Variants in CSMD2 observed in about 807,000 individuals in gnomAD.
CSMD2 encodes CUB and Sushi multiple domains 2.
Under a neutral mutation model 398.5 loss-of-function variants are expected in CSMD2, and 130 were observed. The ratio of observed to expected loss-of-function variants is 0.33; its 90% CI spans 0.28 to 0.38. The LOEUF (loss-of-function observed/expected upper bound fraction) is 0.38. Among genes scored for constraint, CSMD2 ranks in the 10% least tolerant of loss-of-function variants. The pLI is 1.00. For missense variants in CSMD2, 3,829 were observed against 4,764.9 expected (o/e 0.80, Z 5.78); for synonymous variants, 1,828 against 1,908.5 (o/e 0.96, Z 1.10).
chr1:33,798,143 T>C (rs1310078375), intron 10 of CSMD2, among the ~76,000 whole-genome samples: 1 of 152,216 alleles, frequency 6.6e-6, no homozygotes, highest in Non-Finnish European at 1.5e-5. Flanking sequence ...GCTCCTATAA[T>C]GACTCATTAA....
chr1:33,809,210 T>C (rs1051711008), intron 10 of CSMD2, among the ~76,000 whole-genome samples: 5 of 151,870 alleles, frequency 3.3e-5, no homozygotes, highest in African/African-American at 7.2e-5. Flanking sequence ...GACACAAAAA[T>C]TGGCAAAGGC....
At position 33,624,537 on chromosome 1, in the gene CSMD2, G is replaced by A. The variant is rs35704335; in HGVS notation, c.5607C>T (p.Pro1869=). The A allele has an allele frequency of 8.1e-4, 1,311 of 1,613,814 alleles. 12 individuals carry two copies. The African/African-American group carries it at 0.016, about 20-fold the overall frequency. The change falls in exon 35 of 71, where the codon CCC becomes CCT. Residue 1869 remains proline, a synonymous_variant. Transcript: ENST00000373381. This position sits in a 1 kb window ranked among gnomAD's most constrained non-coding sequence, Gnocchi z 4.7. ...CCCCTACCTGGATGCCAGCGCCTTCGGGGACCACGATCTTCCACACACAGT... is the reference window on the plus strand; with the variant it reads ...CCCCTACCTGGATGCCAGCGCCTTCAGGGACCACGATCTTCCACACACAGT... The part of the protein sequence containing the change: ...SLNCVWKIVV[P]EGAGIQIQVV...
Position 33,519,026 on chromosome 1 carries a change from G to T in CSMD2, c.*53+439C>A, listed in dbSNP as rs1654007433. On this transcript the variant is annotated intron_variant, in intron 70 of 70. Coordinates refer to ENST00000373381, the MANE Select transcript of CSMD2 (RefSeq NM_001281956.2). This position sits in a 1 kb window ranked among gnomAD's most constrained non-coding sequence, Gnocchi z 5.6. ...CTGTATAGCTCTACAGATCTCCAGGGCTTGACTTCGACCCAGAGGATGTAT... is the reference window on the plus strand; with the variant it reads ...CTGTATAGCTCTACAGATCTCCAGGTCTTGACTTCGACCCAGAGGATGTAT... Among the ~76,000 whole-genome samples, 1 of 151,976 alleles carries T rather than the reference G, an allele frequency of 6.6e-6. No homozygotes were observed. The highest frequency in any genetic ancestry group is 1.9e-4 in the East Asian group (1 of 5,188).
intron 2 of CSMD2, among the ~76,000 whole-genome samples, chr1:34,075,121 G>C (rs1275822279): frequency 1.3e-5 from 2 of 152,248 alleles, no homozygotes; most frequent in East Asian, 1.9e-4. Context: ...ATTACCATGA[G>C]AGCATGAACA....
rs112226007 is a variant in CSMD2 at position 33,942,844 on chromosome 1, T to C, written c.518-6890A>G. Among the ~76,000 whole-genome samples the C allele has an allele frequency of 2.0e-3, 302 of 152,326 alleles. 3 individuals are homozygous for C. The highest frequency in any genetic ancestry group is 6.5e-3 in the African/African-American group (272 of 41,572). On this transcript the variant is annotated intron_variant, in intron 3 of 70. Coordinates refer to ENST00000373381, the MANE Select transcript of CSMD2 (RefSeq NM_001281956.2). Reference sequence around the variant, plus strand: ...GGTTTTTACTTCTGACAGCAGCAAATGTGGCCTCTCTCCTAGAGTTTCCTG... The same window carrying C: ...GGTTTTTACTTCTGACAGCAGCAAACGTGGCCTCTCTCCTAGAGTTTCCTG...
chr1:33,890,877 C>T (rs2125205896), intron 5 of CSMD2, among the ~76,000 whole-genome samples: 1 of 152,232 alleles, frequency 6.6e-6, no homozygotes, highest in South Asian at 2.1e-4. Flanking sequence ...CTTCCTTACA[C>T]CTTATACAAA....
chr1:33,849,269 C>A (rs576499725), intron 5 of CSMD2, among the ~76,000 whole-genome samples: 26 of 152,322 alleles, frequency 1.7e-4, no homozygotes, highest in Admixed American at 1.3e-3. Context: ...GCAGAATCAT[C>A]ACATCAGACT....
intron 7 of CSMD2, among the ~76,000 whole-genome samples, chr1:33,823,271 G>T (rs1054446489): frequency 6.6e-6 from 1 of 152,238 alleles, no homozygotes. Flanking sequence ...TTCCAGGGAG[G>T]ACTGAGCAGG....
intron 49 of CSMD2, among the ~76,000 whole-genome samples, chr1:33,574,557 G>T (rs1430405703): frequency 6.6e-6 from 1 of 152,168 alleles, no homozygotes; most frequent in Non-Finnish European, 1.5e-5. Context: ...GAATAAGCTT[G>T]GGCAGAGTCC....
In CSMD2 at chr1:33,601,028, G is replaced by A; in HGVS notation, c.6711-18C>T. The A allele has an allele frequency of 6.2e-7, 1 of 1,613,992 alleles. No homozygotes were observed. The highest frequency in any genetic ancestry group is 1.1e-5 in the South Asian group (1 of 91,048). ...GCCCATCCCTGTACACAGGAAACAAGGTCCTGGCATGTCACTAGTCACCAT... is the reference window on the plus strand; with the variant it reads ...GCCCATCCCTGTACACAGGAAACAAAGTCCTGGCATGTCACTAGTCACCAT... On this transcript the variant is annotated intron_variant, in intron 43 of 70. Coordinates refer to ENST00000373381, the MANE Select transcript of CSMD2 (RefSeq NM_001281956.2).
At position 33,918,103 on chromosome 1, in the gene CSMD2, G is replaced by A. The variant is rs1490679644; in HGVS notation, c.911C>T (p.Ser304Phe). 3 of 1,613,624 alleles carry A rather than the reference G, an allele frequency of 1.9e-6. No individual in the cohort carries two copies. Among genetic ancestry groups the A allele is most frequent in the Admixed American group, 1.7e-5 (1 of 60,016 alleles). ...DFLEVTGTEG[S>F]SLWFTGASLP... Reference sequence around the variant, plus strand: ...GTGATGTTGTGCTTACCAGAGGGAGGAGCCTTCTGTCCCAGTGACTTCCAG... The same window carrying A: ...GTGATGTTGTGCTTACCAGAGGGAGAAGCCTTCTGTCCCAGTGACTTCCAG... Residue 304 changes from serine to phenylalanine, a missense_variant, in exon 5 of 71, where the codon TCC becomes TTC. Around this residue, in one of 5 missense-constraint regions of CSMD2, gnomAD observed 2,001 missense variants for 2,567.1 expected, o/e 0.78. Coordinates refer to ENST00000373381, the MANE Select transcript of CSMD2 (RefSeq NM_001281956.2).
chr1:33,565,322 G>A (rs1306208460), intron 53 of CSMD2, among the ~76,000 whole-genome samples: 1 of 152,078 alleles, frequency 6.6e-6, no homozygotes, highest in Non-Finnish European at 1.5e-5. Context: ...AAAAGAAAGT[G>A]ACATCCTCTG....
intron 44 of CSMD2, among the ~76,000 whole-genome samples, chr1:33,597,099 G>A (rs1639892673): frequency 6.6e-6 from 1 of 151,286 alleles, no homozygotes; most frequent in African/African-American, 2.4e-5. Context: ...CAAACTTCAT[G>A]TTCTAACTTT....
rs558015035 is a variant in CSMD2, at chr1:34,079,236, A to T, written c.404+9741T>A. 4.6e-4 allele frequency among the ~76,000 whole-genome samples: 70 copies of T among 152,280 alleles called. 2 individuals are homozygous for T. The South Asian group carries it at 0.014, about 31-fold the overall frequency. On this transcript the variant is annotated intron_variant, in intron 2 of 70. Transcript: ENST00000373381. ...CTAGCCACTCTGACCATTTCTATTC[A>T]ATATTATACTGGAGGTTCTAGACAG...
chr1:33,935,854 G>T lies in CSMD2; in HGVS notation c.618C>A (p.Asn206Lys), dbSNP rs2125327755. The change falls in exon 4 of 71, where the codon AAC becomes AAA. Residue 206 changes from asparagine (N) to lysine (K), a missense_variant. Coordinates refer to ENST00000373381, the MANE Select transcript of CSMD2 (RefSeq NM_001281956.2). ...CGTGGCCCTCCAGGAAGAAGCCAAG[G>T]TTGCAGCTGTAGCGGACCTTGTCAC... ...NLGDKVRYSC[N>K]LGFFLEGHAV... The T allele has an allele frequency of 6.2e-7, 1 of 1,614,232 alleles. No individual in the cohort carries two copies. Among genetic ancestry groups the T allele is most frequent in the Non-Finnish European group, 8.5e-7 (1 of 1,180,022 alleles).
At chr1:33,599,957 C>A in intron 44 of CSMD2, 1 of 594,124 alleles carries the variant, frequency 1.7e-6, no homozygotes, top group Non-Finnish European at 3.0e-6. Context: ...GCAGATACTG[C>A]GGAGGCTGGG....
intron 15 of CSMD2, among the ~76,000 whole-genome samples, chr1:33,730,972 C>G (rs1348945612): frequency 6.6e-6 from 1 of 152,128 alleles, no homozygotes; most frequent in Non-Finnish European, 1.5e-5. Context: ...CTAAAAGGAA[C>G]CAGGGTTTCT....
intron 1 of CSMD2, among the ~76,000 whole-genome samples, chr1:34,127,319 T>C (rs750675050): frequency 2.0e-5 from 3 of 152,222 alleles, no homozygotes; most frequent in Non-Finnish European, 4.4e-5. Flanking sequence ...AAAAAGCTTC[T>C]ACCTTCTATT....
rs1570584502 is a variant in CSMD2, at chr1:33,514,360, TGTTTTA to T, written c.*2258_*2263del. ...CTGTACAAAAGATTTTTTTTGTCTTTGTTTTACTTTTTTTTTTTTCCTCATGGGATG... is the reference window on the plus strand; with the variant it reads ...CTGTACAAAAGATTTTTTTTGTCTTTCTTTTTTTTTTTTCCTCATGGGATG... On this transcript the variant is annotated 3_prime_UTR_variant, in exon 71 of 71. Coordinates refer to ENST00000373381, the MANE Select transcript of CSMD2 (RefSeq NM_001281956.2). The T allele has an allele frequency of 6.6e-6, 1 of 152,306 alleles. No individual in the cohort carries two copies. Among genetic ancestry groups the T allele is most frequent in the Non-Finnish European group, 1.5e-5 (1 of 67,968 alleles). 9.4% of individuals were successfully genotyped at this position (152,306 alleles called of 1,614,324 possible). A position where few individuals can be genotyped will look rare whatever the true frequency, so the allele number is the denominator to read the frequency against.
Sources: allele counts gnomAD v4.1 joint callset (sites outside exome capture counted in the v4.1 genomes callset), GRCh38; gene constraint gnomAD v4.1.1; regional missense constraint gnomAD v4.1.1; non-coding constraint Gnocchi (gnomAD v3.1); transcripts MANE v1.5; gene names NCBI Gene and HGNC (gene_info 2026-07-23, HGNC 2026-07-21).